TAP1: variants seen among roughly 807,000 people sequenced by gnomAD.
The protein encoded by TAP1 is transporter 1, ATP binding cassette subfamily B member, also known as antigen peptide transporter 1.
A neutral mutation model predicts 79.3 loss-of-function variants in TAP1; 56 were observed. The ratio of observed to expected loss-of-function variants is 0.71; its 90% CI spans 0.57 to 0.88. The LOEUF (loss-of-function observed/expected upper bound fraction) is 0.88, where lower values mean the gene tolerates loss of function less well. Ranked by LOEUF, TAP1 falls within the 40% of genes least tolerant of loss-of-function variation. TAP1 has a pLI of 0.00. For missense variants in TAP1, 737 were observed against 936.3 expected, an observed-to-expected ratio of 0.79 and a Z score of 2.78; for synonymous variants, 355 against 401.4, an observed-to-expected ratio of 0.88 and a Z score of 1.38.
chr6:32,851,953 G>GAGAC lies in TAP1; in HGVS notation c.844+155_844+156insGTCT, dbSNP rs1226092256. Among the ~76,000 whole-genome samples, 5 of 151,494 alleles carry GAGAC rather than the reference G, an allele frequency of 3.3e-5. No individual in the cohort carries two copies. Among genetic ancestry groups the GAGAC allele is most frequent in the African/African-American group, 1.2e-4 (5 of 41,222 alleles). ...AGAGAGAGAGAGAGAGACAGAGACA[G>GAGAC]AGAGAGAGAGACAGGGAGAGGGTAT... On this transcript the variant is annotated intron_variant, in intron 3 of 10. Coordinates refer to ENST00000354258, the MANE Select transcript of TAP1 (RefSeq NM_000593.6). The surrounding 1 kb of genome is among the most constrained non-coding windows in gnomAD (Gnocchi z 4.8).
rs746757726 is a variant in TAP1, at chr6:32,848,985, C to G, written c.1377+5G>C. On this transcript the variant is annotated splice_donor_5th_base_variant and intron_variant, in intron 6 of 10. Transcript: ENST00000354258. ...CACTGGGGAGTGAAGGTGGAGGGAC[C>G]TCACCTCCACAGCCTGGGTGAACTG... is the stretch of plus-strand genomic sequence containing the variant. The G allele has an allele frequency of 1.2e-6, 2 of 1,612,558 alleles. No individual in the cohort carries two copies. Among genetic ancestry groups the G allele is most frequent in the South Asian group, 1.1e-5 (1 of 90,732 alleles).
chr6:32,850,336 T>G lies in TAP1; in HGVS notation c.1232A>C (p.Asn411Thr). The change falls in exon 5 of 11, where the codon AAC becomes ACC. Residue 411 changes from asparagine to threonine, a missense_variant. Physicochemically the swap from Asn to Thr is moderately conservative, Grantham distance 65. Coordinates refer to ENST00000354258, the MANE Select transcript of TAP1 (RefSeq NM_000593.6). The surrounding 1 kb of genome is among the most constrained non-coding windows in gnomAD (Gnocchi z 5.5). ...NQKEAVAYAV[N>T]SWTTSISGML... Reference sequence around the variant, plus strand: ...GGTGCTCACACTAGTGGTCCAGGAGTTGACTGCATAGGCCACAGCCTCCTT... The same window carrying G: ...GGTGCTCACACTAGTGGTCCAGGAGGTGACTGCATAGGCCACAGCCTCCTT... 1.2e-6 allele frequency: 2 copies of G among 1,614,034 alleles called. No individual in the cohort carries two copies. The highest frequency in any genetic ancestry group is 1.7e-6 in the Non-Finnish European group (2 of 1,180,012).
Position 32,850,127 on chromosome 6 carries a change from C to T in TAP1, c.1248+193G>A. 2 of 672,650 alleles carry T rather than the reference C, an allele frequency of 3.0e-6. No individual in the cohort carries two copies. The highest frequency in any genetic ancestry group is 2.7e-6 in the Non-Finnish European group (1 of 374,426). 41.7% of individuals were successfully genotyped at this position (672,650 alleles called of 1,614,324 possible). On this transcript the variant is annotated intron_variant, in intron 5 of 10. Transcript: ENST00000354258. The surrounding 1 kb of genome is among the most constrained non-coding windows in gnomAD (Gnocchi z 5.5). ...TTTATGTACCATACTGAAAGGAAGC[C>T]ACCTAGCATCTTTAAAGAGAGGGAG...
chr6:32,849,617 G>C (rs932483768), intron 5 of TAP1: 28 of 196,854 alleles, frequency 1.4e-4, no homozygotes, highest in Middle Eastern at 2.4e-3. Context: ...CGGGCGTGGT[G>C]GCGGGTGCCT....
chr6:32,847,042 A>T lies in TAP1; in HGVS notation c.2040+26T>A. The T allele has an allele frequency of 6.2e-7, 1 of 1,611,220 alleles. No individual in the cohort carries two copies. The highest frequency in any genetic ancestry group is 8.5e-7 in the Non-Finnish European group (1 of 1,180,024). On this transcript the variant is annotated intron_variant, in intron 10 of 10. Coordinates refer to ENST00000354258, the MANE Select transcript of TAP1 (RefSeq NM_000593.6). This position sits in a 1 kb window ranked among gnomAD's most constrained non-coding sequence, Gnocchi z 4.7. ...AAAGAAGCAAGATTGGGTGGGATAT[A>T]GCCATTAAGAAGATGACTGCCTCAC... is the stretch of plus-strand genomic sequence containing the variant.
At chr6:32,846,336 G>A (rs11540142) in intron 10 of TAP1, 9,032 of 171,126 alleles carry the variant, frequency 0.053, 491 homozygotes, top group African/African-American at 0.14. Flanking sequence ...ATATGATTAG[G>A]ATGGGCTGGG....
rs1288709846 is a variant in TAP1, at chr6:32,850,996, A to ACCAGGG, written c.997_998insCCCTGG (p.Ile333delinsThrLeuVal). 3 of 1,612,788 alleles carry ACCAGGG rather than the reference A, an allele frequency of 1.9e-6. No individual in the cohort carries two copies. In the African/African-American group the frequency reaches 4.0e-5, roughly 22 times the overall value. ...CAGAAGGAAAAGCAGAGGCAGGGTG[A>ACCAGGG]TCAGGGTGACCATGGTGAGGGACAC... On this transcript the variant is annotated protein_altering_variant, in exon 4 of 11. Coordinates refer to ENST00000354258, the MANE Select transcript of TAP1 (RefSeq NM_000593.6). The surrounding 1 kb of genome is among the most constrained non-coding windows in gnomAD (Gnocchi z 5.5).
intron 10 of TAP1, chr6:32,846,076 AT>A (rs2127384692): frequency 2.0e-6 from 1 of 510,218 alleles, no homozygotes; most frequent in African/African-American, 1.9e-5. Flanking sequence ...TGGACTTGGC[AT>A]TTTTATATTC....
At position 32,851,490 on chromosome 6, in the gene TAP1, G is replaced by A. The variant is rs1770774282; in HGVS notation, c.845-341C>T. Among the ~76,000 whole-genome samples, 1 of 152,210 alleles carries A rather than the reference G, an allele frequency of 6.6e-6. No individual in the cohort carries two copies. Among genetic ancestry groups the A allele is most frequent in the African/African-American group, 2.4e-5 (1 of 41,442 alleles). On this transcript the variant is annotated intron_variant, in intron 3 of 10. Coordinates refer to ENST00000354258, the MANE Select transcript of TAP1 (RefSeq NM_000593.6). This position sits in a 1 kb window ranked among gnomAD's most constrained non-coding sequence, Gnocchi z 4.8. ...AACTGGTCACATAACAGAGATGGAG[G>A]AGGAGGGTGCTGCTAGGAAGCATGC...
Position 32,853,522 on chromosome 6 carries a change from C to A in TAP1, c.115G>T (p.Ala39Ser), listed in dbSNP as rs761472739. The change falls in exon 1 of 11, where the codon GCG becomes TCG. Residue 39 changes from alanine (A) to serine (S), a missense_variant. This residue lies in a region of TAP1 where 45 missense variants were observed against 60.2 expected (regional missense o/e 0.75). Coordinates refer to ENST00000354258, the MANE Select transcript of TAP1 (RefSeq NM_000593.6). The surrounding 1 kb of genome is among the most constrained non-coding windows in gnomAD (Gnocchi z 8.3). ...LLADWVLLRT[A>S]LPRIFSLLVP... ...AGCAGGGAGAATATGCGGGGCAGCG[C>A]GGTCCGGAGCAGCACCCAGTCGGCG... 6 of 1,609,532 alleles carry A rather than the reference C, an allele frequency of 3.7e-6. No individual in the cohort carries two copies. The East Asian group carries it at 1.3e-4, about 36-fold the overall frequency.
rs16871037 is a variant in TAP1, at chr6:32,851,448, C to G, written c.845-299G>C. ...ACCTGTATGTCCCATGCTATACACA[C>G]AGGCAGGAAGAGCTTAAACTGGTCA... is the stretch of plus-strand genomic sequence containing the variant. On this transcript the variant is annotated intron_variant, in intron 3 of 10. Transcript: ENST00000354258. This position sits in a 1 kb window ranked among gnomAD's most constrained non-coding sequence, Gnocchi z 4.8. Among the ~76,000 whole-genome samples the G allele has an allele frequency of 0.056, 8,562 of 152,240 alleles. 474 individuals carry two copies. The highest frequency in any genetic ancestry group is 0.14 in the African/African-American group (5,680 of 41,504).
Position 32,847,107 on chromosome 6 carries a change from A to T in TAP1, c.2001T>A (p.Asp667Glu). The T allele has an allele frequency of 6.2e-7, 1 of 1,613,022 alleles. No individual in the cohort carries two copies. Among genetic ancestry groups the T allele is most frequent in the Non-Finnish European group, 8.5e-7 (1 of 1,180,038 alleles). The part of the protein sequence containing the change: ...LIRKPCVLIL[D>E]DATSALDANS... ...TTGCATCCAGGGCACTGGTGGCATC[A>T]TCCAGGATAAGTACACACGGTTTCC... is the stretch of plus-strand genomic sequence containing the variant. The change falls in exon 10 of 11, where the codon GAT becomes GAA. Residue 667 changes from aspartate to glutamate, a missense_variant. Physicochemically the swap from Asp to Glu is conservative, Grantham distance 45. Around this residue, in one of 5 missense-constraint regions of TAP1, gnomAD observed 266 missense variants for 332.4 expected, o/e 0.80. Coordinates refer to ENST00000354258, the MANE Select transcript of TAP1 (RefSeq NM_000593.6). This position sits in a 1 kb window ranked among gnomAD's most constrained non-coding sequence, Gnocchi z 4.7.
At chr6:32,846,783 C>A (rs1364607409) in intron 10 of TAP1, among the ~76,000 whole-genome samples, 1 of 151,272 alleles carries the variant, frequency 6.6e-6, no homozygotes, top group African/African-American at 2.4e-5. Context: ...TGCCACTGCG[C>A]TCCAGCCTGG....
At chr6:32,849,976 C>A (rs1235794447) in intron 5 of TAP1, 4 of 411,660 alleles carry the variant, frequency 9.7e-6, no homozygotes, top group Non-Finnish European at 1.8e-5. Flanking sequence ...AACAAATCTA[C>A]AAGGTACCAG....
rs2127386894 is a variant in TAP1, at chr6:32,847,413, G to C, written c.1903+100C>G. ...GAGCATGATCTTACAACTTCAAATTGATGTCCATGAGTAAGGAGGAACTGA... is the reference window on the plus strand; with the variant it reads ...GAGCATGATCTTACAACTTCAAATTCATGTCCATGAGTAAGGAGGAACTGA... On this transcript the variant is annotated intron_variant, in intron 9 of 10. Transcript: ENST00000354258. This position sits in a 1 kb window ranked among gnomAD's most constrained non-coding sequence, Gnocchi z 4.7. The C allele has an allele frequency of 1.3e-6, 2 of 1,561,110 alleles. No homozygotes were observed. Among genetic ancestry groups the C allele is most frequent in the South Asian group, 2.2e-5 (2 of 89,876 alleles).
rs1294738529 is a variant in TAP1 at position 32,851,354 on chromosome 6, T to C, written c.845-205A>G. On this transcript the variant is annotated intron_variant, in intron 3 of 10. Coordinates refer to ENST00000354258, the MANE Select transcript of TAP1 (RefSeq NM_000593.6). The surrounding 1 kb of genome is among the most constrained non-coding windows in gnomAD (Gnocchi z 4.8). ...TTAAAGAGGAAAGGCCTGACCTTCA[T>C]TTTAATTATAAAGTCATTAATGCAC... Among the ~76,000 whole-genome samples, 1 of 152,206 alleles carries C rather than the reference T, an allele frequency of 6.6e-6. No individual in the cohort carries two copies. Among genetic ancestry groups the C allele is most frequent in the Non-Finnish European group, 1.5e-5 (1 of 68,034 alleles).
chr6:32,851,503 C>G lies in TAP1; in HGVS notation c.845-354G>C, dbSNP rs1233704613. ...ACAGAGATGGAGGAGGAGGGTGCTG[C>G]TAGGAAGCATGCCAAAGTCTGTGGA... is the stretch of plus-strand genomic sequence containing the variant. On this transcript the variant is annotated intron_variant, in intron 3 of 10. Coordinates refer to ENST00000354258, the MANE Select transcript of TAP1 (RefSeq NM_000593.6). The surrounding 1 kb of genome is among the most constrained non-coding windows in gnomAD (Gnocchi z 4.8). Among the ~76,000 whole-genome samples, 1 of 152,082 alleles carries G rather than the reference C, an allele frequency of 6.6e-6. No individual in the cohort carries two copies. Among genetic ancestry groups the G allele is most frequent in the Non-Finnish European group, 1.5e-5 (1 of 67,980 alleles).
In TAP1 at chr6:32,850,494, T is replaced by C; in HGVS notation, c.1074A>G (p.Glu358=). ...WYQLLEVQVR[E]SLAKSSQVAI... ...CCACCTGGCTGGACTTTGCCAGAGATTCCCGCACCTGCACTTCCAGCAACT... is the reference window on the plus strand; with the variant it reads ...CCACCTGGCTGGACTTTGCCAGAGACTCCCGCACCTGCACTTCCAGCAACT... Residue 358 remains glutamate (E), a synonymous_variant, in exon 5 of 11, where the codon GAA becomes GAG. Coordinates refer to ENST00000354258, the MANE Select transcript of TAP1 (RefSeq NM_000593.6). The surrounding 1 kb of genome is among the most constrained non-coding windows in gnomAD (Gnocchi z 5.5). 6.2e-7 allele frequency: 1 copy of C among 1,613,396 alleles called. No individual in the cohort carries two copies. The highest frequency in any genetic ancestry group is 2.2e-5 in the East Asian group (1 of 44,884).
rs537634461 is a variant in TAP1 at position 32,847,314 on chromosome 6, C to T, written c.1904-110G>A. The T allele has an allele frequency of 3.7e-5, 58 of 1,547,164 alleles. 1 individual carries two copies. The highest frequency in any genetic ancestry group is 3.2e-4 in the South Asian group (28 of 87,602). ...CGCACTCACACACACCAAGATCTGA[C>T]GGTTGTAGCTGGATAGGGGAGATTC... On this transcript the variant is annotated intron_variant, in intron 9 of 10. Coordinates refer to ENST00000354258, the MANE Select transcript of TAP1 (RefSeq NM_000593.6). This position sits in a 1 kb window ranked among gnomAD's most constrained non-coding sequence, Gnocchi z 4.7.
Sources: gnomAD v4.1 joint callset for allele counts (sites outside exome capture counted in the v4.1 genomes callset) on GRCh38, gnomAD v4.1.1 for gene constraint, gnomAD v4.1.1 regional missense constraint, Gnocchi (gnomAD v3.1) non-coding constraint, MANE v1.5 for transcripts, NCBI Gene and HGNC (gene_info 2026-07-23, HGNC 2026-07-21) for gene names.